TRAM2: variants seen among roughly 807,000 people sequenced by gnomAD.
TRAM2 encodes the protein translocating chain-associated membrane protein 2.
Under a neutral mutation model 51.0 loss-of-function variants are expected in TRAM2, and 12 were observed. The ratio of observed to expected loss-of-function variants is 0.24; its 90% CI spans 0.15 to 0.38. The LOEUF is 0.38. Ranked by LOEUF, TRAM2 falls within the 10% of genes least tolerant of loss-of-function variation. TRAM2 has a pLI of 1.00. For synonymous variants in TRAM2, 175 were observed against 179.4 expected, an observed-to-expected ratio of 0.98 and a Z score of 0.20; for missense variants, 361 against 462.0, an observed-to-expected ratio of 0.78 and a Z score of 2.00.
At position 52,501,964 on chromosome 6, in the gene TRAM2, G is replaced by A. The variant is rs2073183; in HGVS notation, c.*1233C>T. ...AGGGGAAAGAATCTGTGAGGGAAGG[G>A]GCCAGAAAGGCGCCTATCATCTACC... On this transcript the variant is annotated 3_prime_UTR_variant, in exon 11 of 11. Transcript: ENST00000182527. 0.19 allele frequency: 28,305 copies of A among 152,168 alleles called. 3,097 individuals are homozygous for A. The highest frequency in any genetic ancestry group is 0.33 in the Admixed American group (5,075 of 15,274). The allele number at this position is 152,168 out of a possible 1,614,324, so 9.4% of individuals were successfully genotyped here. A position where few individuals can be genotyped will look rare whatever the true frequency, so the allele number is the denominator to read the frequency against.
chr6:52,532,576 G>C (rs555660072), intron 2 of TRAM2, among the ~76,000 whole-genome samples: 2 of 152,250 alleles, frequency 1.3e-5, no homozygotes, highest in East Asian at 3.9e-4. Flanking sequence ...AGAAATTCCA[G>C]TAATAGGAAG....
chr6:52,534,362 C>T (rs553395339), intron 2 of TRAM2, among the ~76,000 whole-genome samples: 11 of 152,314 alleles, frequency 7.2e-5, no homozygotes, highest in African/African-American at 2.4e-4. Context: ...GCCTGGGCAA[C>T]AAGAGTGAAA....
In TRAM2 at chr6:52,500,323, G is replaced by A. The variant is rs1766184358; in HGVS notation, c.*2874C>T. Reference sequence around the variant, plus strand: ...GCCCAACACGCTCATAGGATGAAGTGGAATTATTTCAGCTCTGGCAACACA... The same window carrying A: ...GCCCAACACGCTCATAGGATGAAGTAGAATTATTTCAGCTCTGGCAACACA... On this transcript the variant is annotated 3_prime_UTR_variant, in exon 11 of 11. Transcript: ENST00000182527. 3.9e-5 allele frequency: 6 copies of A among 152,104 alleles called. No homozygotes were observed. The South Asian group carries it at 1.2e-3, about 32-fold the overall frequency. The allele number at this position is 152,104 out of a possible 1,614,324, so 9.4% of individuals were successfully genotyped here.
At chr6:52,564,108 A>C (rs1227233874) in intron 1 of TRAM2, among the ~76,000 whole-genome samples, 2 of 152,082 alleles carry the variant, frequency 1.3e-5, no homozygotes, top group East Asian at 3.9e-4. Flanking sequence ...CTGTGTGTGC[A>C]TGGGACCATA....
chr6:52,536,257 A>C (rs984162653), intron 1 of TRAM2, among the ~76,000 whole-genome samples: 1 of 152,256 alleles, frequency 6.6e-6, no homozygotes, highest in African/African-American at 2.4e-5. Flanking sequence ...TGAGGTTTCC[A>C]CAGCACTTTG....
intron 1 of TRAM2, among the ~76,000 whole-genome samples, chr6:52,538,731 A>G (rs1767017152): frequency 6.6e-6 from 1 of 152,182 alleles, no homozygotes. Flanking sequence ...GCCAAGTCTG[A>G]GAACTTTTGC....
At chr6:52,550,684 T>C (rs897027846) in intron 1 of TRAM2, among the ~76,000 whole-genome samples, 6 of 152,128 alleles carry the variant, frequency 3.9e-5, no homozygotes, top group African/African-American at 1.4e-4. Flanking sequence ...CCCGAATAGC[T>C]AGGATTACAG....
intron 1 of TRAM2, among the ~76,000 whole-genome samples, chr6:52,543,179 A>C (rs917321038): frequency 9.9e-5 from 15 of 152,164 alleles, no homozygotes; most frequent in Non-Finnish European, 1.9e-4. Flanking sequence ...CTCCCCTAAA[A>C]AAAAGCACTG....
chr6:52,509,351 G>A lies in TRAM2; in HGVS notation c.470+177C>T, dbSNP rs143160841. On this transcript the variant is annotated intron_variant, in intron 5 of 10. Transcript: ENST00000182527. ...ATGGAATTTCATCTGGGGATTCTCT[G>A]GTCAAGCATGCTGAGAAGAAGTGGC... Among the ~76,000 whole-genome samples the A allele has an allele frequency of 6.1e-3, 925 of 152,322 alleles. 11 individuals are homozygous for A. The highest frequency in any genetic ancestry group is 0.021 in the African/African-American group (890 of 41,572).
In TRAM2 at chr6:52,503,015, G is replaced by T; in HGVS notation, c.*182C>A. 1.6e-6 allele frequency: 1 copy of T among 637,150 alleles called. No homozygotes were observed. 39.5% of individuals were successfully genotyped at this position (637,150 alleles called of 1,614,324 possible). A position where few individuals can be genotyped will look rare whatever the true frequency, so the allele number is the denominator to read the frequency against. Reference sequence around the variant, plus strand: ...TTGGCTTTATTGAGAATGGTTTGTGGAAGAATAAGAGGAAGCCAAGAAGAA... The same window carrying T: ...TTGGCTTTATTGAGAATGGTTTGTGTAAGAATAAGAGGAAGCCAAGAAGAA... On this transcript the variant is annotated 3_prime_UTR_variant, in exon 11 of 11. Coordinates refer to ENST00000182527, the MANE Select transcript of TRAM2 (RefSeq NM_012288.4).
At chr6:52,573,459 A>G (rs1393687840) in intron 1 of TRAM2, among the ~76,000 whole-genome samples, 1 of 152,198 alleles carries the variant, frequency 6.6e-6, no homozygotes, top group East Asian at 1.9e-4. Context: ...AAAGTTCCAC[A>G]TTCCTGACAT....
chr6:52,549,841 A>G (rs1767277799), intron 1 of TRAM2, among the ~76,000 whole-genome samples: 1 of 152,236 alleles, frequency 6.6e-6, no homozygotes, highest in Admixed American at 6.5e-5. Context: ...AATCAGGGCA[A>G]GAGTAGCTTA....
intron 1 of TRAM2, among the ~76,000 whole-genome samples, chr6:52,570,319 T>C (rs1037202719): frequency 1.3e-4 from 20 of 152,306 alleles, no homozygotes; most frequent in Admixed American, 1.3e-3. Flanking sequence ...CAAATTTCAA[T>C]AATTGTTCCA....
chr6:52,534,522 G>A (rs144811551), intron 2 of TRAM2, among the ~76,000 whole-genome samples: 50 of 152,282 alleles, frequency 3.3e-4, no homozygotes, highest in African/African-American at 7.9e-4. Flanking sequence ...TGCTGGTGGC[G>A]GGATCGGAGA....
At chr6:52,518,053 C>CCG (rs1481059413) in intron 2 of TRAM2, among the ~76,000 whole-genome samples, 2 of 152,176 alleles carry the variant, frequency 1.3e-5, no homozygotes, top group Non-Finnish European at 2.9e-5. Flanking sequence ...GACACCACCC[C>CCG]CGGTTGGAAA....
chr6:52,520,046 T>C (rs1766640062), intron 2 of TRAM2, among the ~76,000 whole-genome samples: 1 of 152,166 alleles, frequency 6.6e-6, no homozygotes, highest in Non-Finnish European at 1.5e-5. Flanking sequence ...TTTTGCAAGA[T>C]GAAAAGTGTT....
intron 2 of TRAM2, among the ~76,000 whole-genome samples, chr6:52,534,388 C>T (rs1210288566): frequency 1.3e-5 from 2 of 152,130 alleles, no homozygotes; most frequent in East Asian, 3.8e-4. Context: ...TCCAAACAAA[C>T]AAACAAACAA....
chr6:52,519,392 A>G (rs1396509271), intron 2 of TRAM2, among the ~76,000 whole-genome samples: 1 of 152,258 alleles, frequency 6.6e-6, no homozygotes, highest in Non-Finnish European at 1.5e-5. Flanking sequence ...ACCACTCATC[A>G]TTAGGGCACT....
At chr6:52,527,110 T>C (rs1215119294) in intron 2 of TRAM2, among the ~76,000 whole-genome samples, 2 of 152,246 alleles carry the variant, frequency 1.3e-5, no homozygotes, top group East Asian at 3.9e-4. Context: ...CTGGGCATGG[T>C]GGCTCACACC....
Sources: allele counts gnomAD v4.1 joint callset (sites outside exome capture counted in the v4.1 genomes callset), GRCh38; gene constraint gnomAD v4.1.1; transcripts MANE v1.5; gene names NCBI Gene and HGNC (gene_info 2026-07-23, HGNC 2026-07-21).